The following NT5DC1 variants were observed in gnomAD, a reference collection of about 807,000 sequenced individuals.
The protein encoded by NT5DC1 is 5'-nucleotidase domain containing 1, also known as 5'-nucleotidase domain-containing protein 1.
A neutral mutation model predicts 59.4 loss-of-function variants in NT5DC1; 42 were observed. The ratio of observed to expected loss-of-function variants is 0.71; its 90% CI spans 0.55 to 0.92. The LOEUF (loss-of-function observed/expected upper bound fraction) is 0.92, where lower values mean the gene tolerates loss of function less well. Among genes scored for constraint, NT5DC1 ranks in the 40% least tolerant of loss-of-function variants. The probability of loss-of-function intolerance (pLI) is 0.00; values close to 1 mark genes in which losing one functional copy is unlikely to be tolerated. For missense variants in NT5DC1, 501 were observed against 537.1 expected (o/e 0.93, Z 0.66); for synonymous variants, 172 against 188.1 (o/e 0.91, Z 0.70).
chr6:116,101,548 G>C (rs1175153229), intron 1 of NT5DC1, among the ~76,000 whole-genome samples: 2 of 152,176 alleles, frequency 1.3e-5, no homozygotes, highest in Non-Finnish European at 2.9e-5. Context: ...TGTATTGAAA[G>C]GAACACTAGT....
At chr6:116,143,605 C>T (rs1263488397) in intron 6 of NT5DC1, among the ~76,000 whole-genome samples, 1 of 152,088 alleles carries the variant, frequency 6.6e-6, no homozygotes, top group Non-Finnish European at 1.5e-5. Flanking sequence ...GTCACACTGT[C>T]CTTGTTAGCT....
intron 6 of NT5DC1, among the ~76,000 whole-genome samples, chr6:116,151,255 A>G (rs1306966691): frequency 6.6e-6 from 1 of 152,234 alleles, no homozygotes; most frequent in Non-Finnish European, 1.5e-5. Flanking sequence ...CTCTGAGATC[A>G]GAATATGTGG....
intron 6 of NT5DC1, among the ~76,000 whole-genome samples, chr6:116,192,264 G>A (rs1781137108): frequency 6.6e-6 from 1 of 151,936 alleles, no homozygotes. Flanking sequence ...TAATATATGT[G>A]TTATGTTAAG....
intron 3 of NT5DC1, 58 bp downstream of exon 3, chr6:116,108,493 G>C: frequency 2.1e-6 from 2 of 942,612 alleles, no homozygotes; most frequent in South Asian, 2.6e-5. Context: ...CTTTATTACT[G>C]AGTGGCATAT....
chr6:116,191,973 T>C (rs549226009), intron 6 of NT5DC1, among the ~76,000 whole-genome samples: 2 of 152,136 alleles, frequency 1.3e-5, no homozygotes, highest in East Asian at 3.9e-4. Flanking sequence ...AAAGATGAGG[T>C]AGAAATTACG....
chr6:116,239,062 G>T lies in NT5DC1; in HGVS notation c.1191G>T (p.Trp397Cys), dbSNP rs1562177857. 3 of 1,612,252 alleles carry T rather than the reference G, an allele frequency of 1.9e-6. No homozygotes were observed. The highest frequency in any genetic ancestry group is 1.7e-4 in the Middle Eastern group (1 of 6,052). ...CAGAAGACTCCTTGGTTTATACATGGTCTTGTAAGAGAATCAGTACTTACA... is the reference window on the plus strand; with the variant it reads ...CAGAAGACTCCTTGGTTTATACATGTTCTTGTAAGAGAATCAGTACTTACA... ...ENTEDSLVYT[W>C]SCKRISTYST... The change falls in exon 11 of 12, where the codon TGG (tryptophan) becomes TGT (cysteine). Residue 397 changes from tryptophan (W) to cysteine (C), a missense_variant. Transcript: ENST00000319550.
At chr6:116,148,336 C>T (rs1309358743) in intron 6 of NT5DC1, among the ~76,000 whole-genome samples, 1 of 152,070 alleles carries the variant, frequency 6.6e-6, no homozygotes, top group African/African-American at 2.4e-5. Context: ...TACAAAAAGA[C>T]AAAAAGCAAA....
intron 6 of NT5DC1, among the ~76,000 whole-genome samples, chr6:116,135,592 A>C (rs1779570160): frequency 1.3e-5 from 2 of 151,586 alleles, no homozygotes; most frequent in African/African-American, 4.8e-5. Flanking sequence ...CTATTACCAA[A>C]AGCATTTTGC....
At chr6:116,225,221 A>G (rs969335464) in intron 8 of NT5DC1, among the ~76,000 whole-genome samples, 1 of 152,176 alleles carries the variant, frequency 6.6e-6, no homozygotes, top group Non-Finnish European at 1.5e-5. Context: ...TGAGATGCCT[A>G]TGAGTTATGT....
At chr6:116,197,437 G>C (rs1650409759) in intron 6 of NT5DC1, among the ~76,000 whole-genome samples, 1 of 152,090 alleles carries the variant, frequency 6.6e-6, no homozygotes, top group Admixed American at 6.5e-5. Flanking sequence ...AAGATACTGG[G>C]AAGAATCTTC....
chr6:116,117,993 G>A (rs1779001527), intron 6 of NT5DC1, 48 bp downstream of exon 6: 1 of 930,406 alleles, frequency 1.1e-6, no homozygotes, highest in East Asian at 2.4e-5. Flanking sequence ...GTTAAGCTAT[G>A]TTTGTCTAGT....
intron 6 of NT5DC1, among the ~76,000 whole-genome samples, chr6:116,156,070 A>G (rs930619651): frequency 1.3e-5 from 2 of 152,204 alleles, no homozygotes; most frequent in African/African-American, 4.8e-5. Context: ...TTTCCTAATC[A>G]TGCCATCACT....
intron 6 of NT5DC1, chr6:116,120,154 A>G (rs1180246182): frequency 6.2e-7 from 1 of 1,614,062 alleles, no homozygotes; most frequent in East Asian, 2.2e-5. Context: ...CGGCATTGGG[A>G]AGCTGGAGCC....
chr6:116,101,798 C>A (rs1368425224), intron 1 of NT5DC1, among the ~76,000 whole-genome samples: 1 of 152,154 alleles, frequency 6.6e-6, no homozygotes, highest in East Asian at 1.9e-4. Flanking sequence ...TTTCCCAATT[C>A]CCAAGGAAAC....
At chr6:116,163,141 A>AAAAAAATATATAT (rs761718922) in intron 6 of NT5DC1, among the ~76,000 whole-genome samples, 49 of 88,372 alleles carry the variant, frequency 5.5e-4, no homozygotes, top group African/African-American at 2.7e-3. Context: ...AAAAAAAAAA[A>AAAAAAATATATAT]ATATATATAT....
chr6:116,120,209 G>A, intron 6 of NT5DC1: 2 of 1,614,170 alleles, frequency 1.2e-6, no homozygotes, highest in Non-Finnish European at 1.7e-6. Context: ...ACTCCCTGAA[G>A]CCTGATCCAG....
At chr6:116,129,208 A>G (rs542678741) in intron 6 of NT5DC1, among the ~76,000 whole-genome samples, 1 of 152,356 alleles carries the variant, frequency 6.6e-6, no homozygotes, top group African/African-American at 2.4e-5. Flanking sequence ...ACATACATAT[A>G]TAGACATGTA....
At chr6:116,141,305 A>G (rs868408333) in intron 6 of NT5DC1, among the ~76,000 whole-genome samples, 1 of 151,100 alleles carries the variant, frequency 6.6e-6, no homozygotes, top group Non-Finnish European at 1.5e-5. Flanking sequence ...GTATTCTTAC[A>G]TATTTTTGAT....
intron 6 of NT5DC1, among the ~76,000 whole-genome samples, chr6:116,165,572 C>T (rs969123054): frequency 3.9e-5 from 6 of 152,104 alleles, no homozygotes; most frequent in Admixed American, 2.0e-4. Flanking sequence ...TGGGTTAATT[C>T]GAAAAATGCC....
Sources: gnomAD v4.1 joint callset for allele counts (sites outside exome capture counted in the v4.1 genomes callset) on GRCh38, gnomAD v4.1.1 for gene constraint, MANE v1.5 for transcripts, NCBI Gene and HGNC (gene_info 2026-07-23, HGNC 2026-07-21) for gene names.